ORC4: variants seen among roughly 807,000 people sequenced by gnomAD.
ORC4 encodes origin recognition complex, subunit 4 homolog.
A neutral mutation model predicts 63.9 loss-of-function variants in ORC4; 55 were observed. The observed-to-expected ratio is 0.86, with a 90% CI of 0.69 to 1.08. ORC4 has a LOEUF of 1.08. Among genes scored for constraint, ORC4 ranks in the 50% least tolerant of loss-of-function variants. ORC4 has a pLI of 0.00. For missense variants in ORC4, 511 were observed against 504.4 expected, an observed-to-expected ratio of 1.01 and a Z score of -0.13; for synonymous variants, 150 against 168.5, an observed-to-expected ratio of 0.89 and a Z score of 0.85.
intron 4 of ORC4, among the ~76,000 whole-genome samples, chr2:147,971,833 A>C (rs1199795303): frequency 2.6e-5 from 4 of 152,100 alleles, no homozygotes; most frequent in African/African-American, 9.6e-5. Flanking sequence ...AATTTGTGAA[A>C]TATTGAAAGA....
At chr2:147,960,265 C>T (rs965613067) in intron 4 of ORC4, 1 of 985,214 alleles carries the variant, frequency 1.0e-6, no homozygotes. Context: ...TTATGCTTTG[C>T]TTGGATCAGC....
At position 147,952,568 on chromosome 2, in the gene ORC4, A is replaced by G. The variant is rs1689019727; in HGVS notation, c.437-44T>C. Reference sequence around the variant, plus strand: ...ATTACATTAATAAGAAATTATATCCACCTTTCCTAAATTTCCAAACCATTT... The same window carrying G: ...ATTACATTAATAAGAAATTATATCCGCCTTTCCTAAATTTCCAAACCATTT... On this transcript the variant is annotated intron_variant, in intron 7 of 13. Transcript: ENST00000392857. 6 of 1,443,616 alleles carry G rather than the reference A, an allele frequency of 4.2e-6. No individual in the cohort carries two copies. In the East Asian group the frequency reaches 1.4e-4, roughly 33 times the overall value. The allele number at this position is 1,443,616 out of a possible 1,614,324, so 89.4% of individuals were successfully genotyped here.
chr2:148,016,038 C>T (rs889592058), intron 1 of ORC4, among the ~76,000 whole-genome samples: 1 of 152,110 alleles, frequency 6.6e-6, no homozygotes. Context: ...TCAACGTCAA[C>T]CATTCCACAG....
Position 147,948,107 on chromosome 2 carries a change from G to C in ORC4, c.706C>G (p.Leu236Val). 1 of 1,611,490 alleles carries C rather than the reference G, an allele frequency of 6.2e-7. No homozygotes were observed. ...YVKIFKEQLSLPAEFPDKVFA... is the reference protein window; with the variant it reads ...YVKIFKEQLSVPAEFPDKVFA... ...ACCTTGTCTGGAAACTCTGCAGGTA[G>C]AGATAACTGTTCTTTAAATATTTTA... The change falls in exon 9 of 14, where the codon CTA (leucine) becomes GTA (valine). Residue 236 changes from leucine to valine, a missense_variant. Coordinates refer to ENST00000392857, the MANE Select transcript of ORC4 (RefSeq NM_181741.4).
At position 148,020,725 on chromosome 2, in the gene ORC4, G is replaced by C. The variant is rs550436665; in HGVS notation, c.-110C>G. On this transcript the variant is annotated 5_prime_UTR_variant, in exon 1 of 14. Coordinates refer to ENST00000392857, the MANE Select transcript of ORC4 (RefSeq NM_181741.4). Reference sequence around the variant, plus strand: ...TAGACTTCACCTGCCGCTGCGGACCGTACACAACCACTCCCGGCATGCCCC... The same window carrying C: ...TAGACTTCACCTGCCGCTGCGGACCCTACACAACCACTCCCGGCATGCCCC... 1 of 152,494 alleles carries C rather than the reference G, an allele frequency of 6.6e-6. No individual in the cohort carries two copies. Among genetic ancestry groups the C allele is most frequent in the African/African-American group, 2.4e-5 (1 of 41,386 alleles). The allele number at this position is 152,494 out of a possible 1,614,324, so 9.4% of individuals were successfully genotyped here. A position where few individuals can be genotyped will look rare whatever the true frequency, so the allele number is the denominator to read the frequency against.
intron 1 of ORC4, among the ~76,000 whole-genome samples, chr2:148,012,537 T>C (rs569727480): frequency 6.6e-6 from 1 of 152,230 alleles, no homozygotes; most frequent in Admixed American, 6.5e-5. Flanking sequence ...CAAAGACTTC[T>C]TAAATAAGAC....
intron 9 of ORC4, among the ~76,000 whole-genome samples, chr2:147,943,860 T>C (rs564942656): frequency 6.6e-6 from 1 of 152,154 alleles, no homozygotes; most frequent in South Asian, 2.1e-4. Context: ...CATGAGTTAC[T>C]GTACCTAGGG....
rs1332921904 is a variant in ORC4 at position 147,943,527 on chromosome 2, A to C, written c.763-5T>G. The C allele has an allele frequency of 6.6e-7, 1 of 1,507,322 alleles. No individual in the cohort carries two copies. The highest frequency in any genetic ancestry group is 1.8e-5 in the Admixed American group (1 of 56,050). The allele number at this position is 1,507,322 out of a possible 1,614,324, so 93.4% of individuals were successfully genotyped here. A position where few individuals can be genotyped will look rare whatever the true frequency, so the allele number is the denominator to read the frequency against. The stretch of plus-strand genomic sequence containing the variant: ...ACTTCTATCTTCTGAGAGATACTAA[A>C]AGGAAAAAAAAAAAAAAAGCCAAAA... On this transcript the variant is annotated splice_polypyrimidine_tract_variant and splice_region_variant and intron_variant, in intron 9 of 13. Coordinates refer to ENST00000392857, the MANE Select transcript of ORC4 (RefSeq NM_181741.4).
chr2:148,015,307 AT>A (rs1158861758), intron 1 of ORC4, among the ~76,000 whole-genome samples: 12,828 of 92,520 alleles, frequency 0.14, 230 homozygotes, highest in Middle Eastern at 0.23. Context: ...TGATATTGGA[AT>A]TTTTTTTTTT....
intron 1 of ORC4, among the ~76,000 whole-genome samples, chr2:147,998,710 C>G (rs1484251823): frequency 3.9e-5 from 6 of 152,126 alleles, no homozygotes; most frequent in Non-Finnish European, 8.8e-5. Flanking sequence ...CAATACAAAA[C>G]AGACTAAGGC....
At chr2:148,009,706 G>A (rs952626743) in intron 1 of ORC4, among the ~76,000 whole-genome samples, 2 of 152,162 alleles carry the variant, frequency 1.3e-5, no homozygotes, top group Non-Finnish European at 2.9e-5. Flanking sequence ...CTGCACTATA[G>A]ATTAAATGGA....
intron 1 of ORC4, among the ~76,000 whole-genome samples, chr2:147,991,375 T>C (rs1476728485): frequency 1.3e-5 from 2 of 152,140 alleles, no homozygotes; most frequent in Non-Finnish European, 2.9e-5. Flanking sequence ...TAAGTGTACT[T>C]ACTTTATAAA....
chr2:147,947,833 C>T (rs1688739795), intron 9 of ORC4: 1 of 416,342 alleles, frequency 2.4e-6, no homozygotes, highest in Non-Finnish European at 4.3e-6. Context: ...AATCCTAAAG[C>T]TTAACTGTGA....
In ORC4 at chr2:147,975,960, T is replaced by C. The variant is rs751975438; in HGVS notation, c.-2A>G. Reference sequence around the variant, plus strand: ...ACTCTTTGATTTACGACTGCTCATTTCAACAAATTCAAATCCTTTAAAAAA... The same window carrying C: ...ACTCTTTGATTTACGACTGCTCATTCCAACAAATTCAAATCCTTTAAAAAA... On this transcript the variant is annotated 5_prime_UTR_variant, in exon 2 of 14. Coordinates refer to ENST00000392857, the MANE Select transcript of ORC4 (RefSeq NM_181741.4). The C allele has an allele frequency of 3.9e-6, 6 of 1,542,944 alleles. No homozygotes were observed. Among genetic ancestry groups the C allele is most frequent in the Middle Eastern group, 3.4e-4 (2 of 5,902 alleles).
At chr2:147,952,614 A>T (rs1473387586) in intron 7 of ORC4, 90 bp from the exon 8 acceptor site, 1 of 1,018,778 alleles carries the variant, frequency 9.8e-7, no homozygotes, top group African/African-American at 1.6e-5. Flanking sequence ...AGTTTTTAAA[A>T]CTCAATTCTG....
At chr2:147,946,037 G>C (rs1688640446) in intron 9 of ORC4, among the ~76,000 whole-genome samples, 1 of 152,100 alleles carries the variant, frequency 6.6e-6, no homozygotes, top group African/African-American at 2.4e-5. Context: ...TGACAAGACA[G>C]TGCTCACATG....
At chr2:147,988,544 G>A (rs1251627636) in intron 1 of ORC4, among the ~76,000 whole-genome samples, 2 of 151,914 alleles carry the variant, frequency 1.3e-5, no homozygotes, top group Non-Finnish European at 2.9e-5. Context: ...TTTTAGTAGA[G>A]ATGGGGGTTT....
intron 8 of ORC4, among the ~76,000 whole-genome samples, chr2:147,948,614 C>A (rs1261663392): frequency 4.0e-5 from 6 of 150,374 alleles, no homozygotes; most frequent in Non-Finnish European, 5.9e-5. Context: ...CAGGAACCAA[C>A]TTTAGGAGAG....
At chr2:147,965,636 C>T (rs1689853695) in intron 4 of ORC4, among the ~76,000 whole-genome samples, 1 of 151,950 alleles carries the variant, frequency 6.6e-6, no homozygotes, top group African/African-American at 2.4e-5. Context: ...ACTTCAACAC[C>T]CTATTCTCAG....
Sources: allele counts gnomAD v4.1 joint callset (sites outside exome capture counted in the v4.1 genomes callset), GRCh38; gene constraint gnomAD v4.1.1; transcripts MANE v1.5; gene names NCBI Gene and HGNC (gene_info 2026-07-23, HGNC 2026-07-21).